ENTREP2: variants seen among roughly 807,000 people sequenced by gnomAD.
ENTREP2 encodes the protein endosomal transmembrane epsin interactor 2.
At chr15:29,551,256 T>C in the ENTREP2 span, among the ~76,000 whole-genome samples, 279 of 152,194 alleles carry the variant, frequency 1.8e-3, no homozygotes, top group African/African-American at 6.5e-3. Context: ...TGTGACGTAG[T>C]GGGCACAAGC....
At chr15:29,315,286 C>T in the ENTREP2 span, among the ~76,000 whole-genome samples, 1 of 152,058 alleles carries the variant, frequency 6.6e-6, no homozygotes, top group Admixed American at 6.6e-5. Context: ...ACAAAGGAAA[C>T]TCCATAAAAG....
chr15:29,515,201 G>A, the ENTREP2 span, among the ~76,000 whole-genome samples: 1 of 152,218 alleles, frequency 6.6e-6, no homozygotes, highest in East Asian at 1.9e-4. Context: ...CAGCTAGACA[G>A]TGCAGAGCAG....
the ENTREP2 span, among the ~76,000 whole-genome samples, chr15:29,347,742 T>C: frequency 6.6e-6 from 1 of 152,172 alleles, no homozygotes; most frequent in South Asian, 2.1e-4. Context: ...TCACATGAAG[T>C]CCGTCAGCAC....
chr15:29,245,117 C>T, the ENTREP2 span, among the ~76,000 whole-genome samples: 2 of 152,086 alleles, frequency 1.3e-5, no homozygotes, highest in Non-Finnish European at 2.9e-5. Flanking sequence ...ACTGCTTGTA[C>T]AGTTCAATGC....
chr15:29,124,431 G>A, the ENTREP2 span, among the ~76,000 whole-genome samples: 2 of 152,184 alleles, frequency 1.3e-5, no homozygotes, highest in Non-Finnish European at 2.9e-5. Flanking sequence ...CCCAGGTGGG[G>A]CCCATCTACC....
chr15:29,129,096 C>T, the ENTREP2 span, among the ~76,000 whole-genome samples: 1 of 152,216 alleles, frequency 6.6e-6, no homozygotes, highest in Non-Finnish European at 1.5e-5. Flanking sequence ...CGGAGTCTTG[C>T]TCTGTCACCC....
the ENTREP2 span, among the ~76,000 whole-genome samples, chr15:29,538,789 A>G: frequency 6.7e-6 from 1 of 150,364 alleles, no homozygotes; most frequent in Admixed American, 6.7e-5. Flanking sequence ...AGCCTGGGTG[A>G]CAAAGCGAGA....
chr15:29,268,859 A>T, the ENTREP2 span: 2 of 1,613,948 alleles, frequency 1.2e-6, no homozygotes, highest in Admixed American at 3.3e-5. Flanking sequence ...AAAGCCTCAC[A>T]GTACTGCGCT....
At chr15:29,280,620 A>G in the ENTREP2 span, among the ~76,000 whole-genome samples, 1 of 152,268 alleles carries the variant, frequency 6.6e-6, no homozygotes, top group Non-Finnish European at 1.5e-5. Context: ...AGACCAGCCA[A>G]TGCCCCCCCA....
chr15:29,623,477 T>C, the ENTREP2 span, among the ~76,000 whole-genome samples: 1 of 152,228 alleles, frequency 6.6e-6, no homozygotes, highest in African/African-American at 2.4e-5. Flanking sequence ...CTCAAGGTCA[T>C]GCAGCAAGTA....
At chr15:29,653,040 T>C in the ENTREP2 span, among the ~76,000 whole-genome samples, 1 of 152,218 alleles carries the variant, frequency 6.6e-6, no homozygotes, top group Non-Finnish European at 1.5e-5. Flanking sequence ...AGTGTATCCT[T>C]GGATCCATGT....
At chr15:29,475,544 C>G in the ENTREP2 span, among the ~76,000 whole-genome samples, 1 of 152,118 alleles carries the variant, frequency 6.6e-6, no homozygotes, top group East Asian at 1.9e-4. Context: ...AAACACAACC[C>G]AGTGGGCAAG....
At chr15:29,308,836 G>A in the ENTREP2 span, among the ~76,000 whole-genome samples, 2 of 152,184 alleles carry the variant, frequency 1.3e-5, no homozygotes, top group African/African-American at 4.8e-5. Flanking sequence ...GAAAATAGGA[G>A]ATAAACATTG....
At chr15:29,572,801 T>C in the ENTREP2 span, among the ~76,000 whole-genome samples, 1 of 151,512 alleles carries the variant, frequency 6.6e-6, no homozygotes, top group Non-Finnish European at 1.5e-5. Flanking sequence ...CTGGGTTCAG[T>C]GTTATGGAGA....
At chr15:29,464,055 G>T in the ENTREP2 span, among the ~76,000 whole-genome samples, 15 of 152,298 alleles carry the variant, frequency 9.8e-5, no homozygotes, top group African/African-American at 3.6e-4. Flanking sequence ...GGGCCGGGGA[G>T]AAGGGAGATC....
At chr15:29,448,005 G>A in the ENTREP2 span, among the ~76,000 whole-genome samples, 1 of 152,148 alleles carries the variant, frequency 6.6e-6, no homozygotes, top group Admixed American at 6.5e-5. Flanking sequence ...CGTGGAGGCT[G>A]CAGTGAGCGG....
chr15:29,227,729 A>G, the ENTREP2 span, among the ~76,000 whole-genome samples: 3 of 152,304 alleles, frequency 2.0e-5, no homozygotes, highest in East Asian at 5.8e-4. Flanking sequence ...AATCCTGGGG[A>G]GACTGTTTTA....
At chr15:29,244,877 G>C in the ENTREP2 span, among the ~76,000 whole-genome samples, 17 of 152,282 alleles carry the variant, frequency 1.1e-4, no homozygotes, top group South Asian at 2.5e-3. Flanking sequence ...CATGCTTGGT[G>C]GTGGGTCACT....
At chr15:29,175,856 T>C in the ENTREP2 span, among the ~76,000 whole-genome samples, 1 of 152,378 alleles carries the variant, frequency 6.6e-6, no homozygotes, top group South Asian at 2.1e-4. Flanking sequence ...TCCACCCGCC[T>C]TGGCCTCCCA....
Sources: gnomAD v4.1 joint callset for allele counts (sites outside exome capture counted in the v4.1 genomes callset) on GRCh38, gnomAD v4.1.1 for gene constraint, MANE v1.5 for transcripts, NCBI Gene and HGNC (gene_info 2026-07-23, HGNC 2026-07-21) for gene names.